Variants in IFNAR2 observed in about 807,000 individuals in gnomAD.
The protein encoded by IFNAR2 is interferon alpha and beta receptor subunit 2.
Under a neutral mutation model 49.4 loss-of-function variants are expected in IFNAR2, and 30 were observed. The ratio of observed to expected loss-of-function variants is 0.61; its 90% CI spans 0.45 to 0.82. IFNAR2 has a LOEUF of 0.82. IFNAR2 is among the 40% of genes least tolerant of loss of function. The pLI is 0.00. For synonymous variants in IFNAR2, 224 were observed against 234.5 expected (o/e 0.96, Z 0.41); for missense variants, 600 against 622.7 (o/e 0.96, Z 0.39).
In IFNAR2 at chr21:33,263,141, A is replaced by G. The variant is rs1173689837; in HGVS notation, c.1189A>G (p.Arg397Gly). Residue 397 changes from arginine to glycine, a missense_variant, in exon 9 of 9, where the codon AGG (arginine) becomes GGG (glycine). Arg to Gly is a moderately radical substitution (Grantham distance 125). Transcript: ENST00000342136. ...GGAACTCTTGAGTGGGCCCTGTGAG[A>G]GGAGAAAGAGTCCACTCCAGGACCC... ...QLELLSGPCE[R>G]RKSPLQDPFP... 5.6e-6 allele frequency: 9 copies of G among 1,614,068 alleles called. No homozygotes were observed. Among genetic ancestry groups the G allele is most frequent in the Non-Finnish European group, 7.6e-6 (9 of 1,180,038 alleles).
At chr21:33,250,627 TC>T (rs1987773693) in intron 6 of IFNAR2, among the ~76,000 whole-genome samples, 1 of 152,124 alleles carries the variant, frequency 6.6e-6, no homozygotes, top group Admixed American at 6.5e-5. Flanking sequence ...AACCTCCGCC[TC>T]CCGGGTTCAA....
In IFNAR2 at chr21:33,263,081, C is replaced by T; in HGVS notation, c.1129C>T (p.Leu377Phe). The T allele has an allele frequency of 6.2e-7, 1 of 1,614,136 alleles. No individual in the cohort carries two copies. The highest frequency in any genetic ancestry group is 8.5e-7 in the Non-Finnish European group (1 of 1,180,016). ...TGACCTGCCTGAGGTTGATGTGGAG[C>T]TCCCCACGATGCCAAAGGACAGCCC... is the stretch of plus-strand genomic sequence containing the variant. ...EPDLPEVDVE[L>F]PTMPKDSPQQ... is the part of the protein sequence containing the mutation. The change falls in exon 9 of 9, where the codon CTC becomes TTC. Residue 377 changes from leucine (L) to phenylalanine (F), a missense_variant. Physicochemically the swap from Leu to Phe is conservative, Grantham distance 22. Transcript: ENST00000342136.
At chr21:33,253,575 G>A (rs565887578) in intron 7 of IFNAR2, among the ~76,000 whole-genome samples, 4 of 152,224 alleles carry the variant, frequency 2.6e-5, no homozygotes, top group South Asian at 4.1e-4. Context: ...TGGATCTTGC[G>A]CAAGAAAGAA....
chr21:33,243,502 G>A (rs111239323), intron 2 of IFNAR2, among the ~76,000 whole-genome samples, 171 bp from the exon 3 acceptor site: 27 of 152,282 alleles, frequency 1.8e-4, no homozygotes, highest in African/African-American at 5.1e-4. Context: ...ACCATGTGCT[G>A]CTGGCACCAA....
intron 2 of IFNAR2, among the ~76,000 whole-genome samples, chr21:33,242,748 A>AAAAAAAC (rs1221572446): frequency 1.1e-5 from 1 of 93,896 alleles, no homozygotes; most frequent in Non-Finnish European, 2.2e-5. Flanking sequence ...AAAAAAAAAA[A>AAAAAAAC]TCTCGTGTGC....
chr21:33,248,926 A>G, intron 6 of IFNAR2, 72 bp downstream of exon 6: 1 of 1,139,116 alleles, frequency 8.8e-7, no homozygotes, highest in Non-Finnish European at 1.2e-6. Context: ...GTCTCTTTTG[A>G]AAGGAAATTT....
intron 4 of IFNAR2, 110 bp from the exon 5 acceptor site, chr21:33,246,608 A>G (rs1160936428): frequency 3.2e-5 from 24 of 745,120 alleles, no homozygotes; most frequent in East Asian, 8.1e-5. Flanking sequence ...ACTTAATACA[A>G]TGATATTTGG....
intron 7 of IFNAR2, among the ~76,000 whole-genome samples, chr21:33,254,615 G>A (rs1338874098): frequency 6.6e-6 from 1 of 152,098 alleles, no homozygotes; most frequent in African/African-American, 2.4e-5. Context: ...TGCGTAATAG[G>A]AACCGTGGCC....
At chr21:33,250,495 A>G (rs774076080) in intron 6 of IFNAR2, among the ~76,000 whole-genome samples, 22 of 152,130 alleles carry the variant, frequency 1.4e-4, no homozygotes, top group Non-Finnish European at 2.4e-4. Context: ...GTAGAGGGGT[A>G]ATGAGTAGTG....
rs1232742430 is a variant in IFNAR2 at position 33,262,786 on chromosome 21, T to C, written c.841-7T>C. The C allele has an allele frequency of 6.3e-7, 1 of 1,581,662 alleles. No individual in the cohort carries two copies. Among genetic ancestry groups the C allele is most frequent in the Non-Finnish European group, 8.6e-7 (1 of 1,168,024 alleles). On this transcript the variant is annotated splice_polypyrimidine_tract_variant and splice_region_variant and intron_variant, in intron 8 of 8. Transcript: ENST00000342136. ...GGACTCTCTCTCTCTTTTTTTTTTT[T>C]TTTAAGAATTTTCATAACTTTTTAG...
At chr21:33,243,982 G>A (rs1987194549) in intron 3 of IFNAR2, among the ~76,000 whole-genome samples, 2 of 152,142 alleles carry the variant, frequency 1.3e-5, no homozygotes, top group South Asian at 2.1e-4. Flanking sequence ...ACTAATAAAA[G>A]AATGAGGAGA....
rs768141783 is a variant in IFNAR2 at position 33,263,331 on chromosome 21, A to C, written c.1379A>C (p.Glu460Ala). The C allele has an allele frequency of 6.2e-7, 1 of 1,614,200 alleles. No individual in the cohort carries two copies. Among genetic ancestry groups the C allele is most frequent in the African/African-American group, 1.3e-5 (1 of 75,034 alleles). Residue 460 changes from glutamate (E) to alanine (A), a missense_variant, in exon 9 of 9, where the codon GAG becomes GCG. Glu to Ala is a moderately radical substitution (Grantham distance 107). Transcript: ENST00000342136. ...SSHLEEMVDP[E>A]DPDNVQSNHL... ...CATCTGGAAGAGATGGTTGACCCAG[A>C]GGATCCTGATAATGTGCAATCAAAC...
rs978686682 is a variant in IFNAR2 at position 33,262,967 on chromosome 21, A to G, written c.1015A>G (p.Met339Val). 6 of 1,614,170 alleles carry G rather than the reference A, an allele frequency of 3.7e-6. No individual in the cohort carries two copies. Among genetic ancestry groups the G allele is most frequent in the Non-Finnish European group, 5.1e-6 (6 of 1,180,018 alleles). ...APRTSGGGYT[M>V]HGLTVRPLGQ... The stretch of plus-strand genomic sequence containing the variant: ...CAGGACAAGTGGCGGTGGCTATACC[A>G]TGCATGGACTGACTGTCAGGCCTCT... Residue 339 changes from methionine (M) to valine (V), a missense_variant, in exon 9 of 9, where the codon ATG (methionine) becomes GTG (valine). By Grantham distance (21) the Met-to-Val change is conservative (BLOSUM62 1). Transcript: ENST00000342136.
chr21:33,232,252 G>A (rs2300370), intron 1 of IFNAR2, among the ~76,000 whole-genome samples: 48,802 of 152,056 alleles, frequency 0.32, 8,354 homozygotes, highest in East Asian at 0.58. Flanking sequence ...CACTGGCCCT[G>A]AGGGTCCTTC....
intron 5 of IFNAR2, 135 bp downstream of exon 5, chr21:33,247,025 A>G: frequency 1.5e-6 from 1 of 660,770 alleles, no homozygotes; most frequent in East Asian, 2.7e-5. Context: ...GCCACTTCCT[A>G]GCTCTGTAAC....
rs748323942 is a variant in IFNAR2 at position 33,263,126 on chromosome 21, A to C, written c.1174A>C (p.Ser392Arg). 3 of 1,614,080 alleles carry C rather than the reference A, an allele frequency of 1.9e-6. No homozygotes were observed. The highest frequency in any genetic ancestry group is 2.5e-6 in the Non-Finnish European group (3 of 1,180,044). Residue 392 changes from serine (S) to arginine (R), a missense_variant, in exon 9 of 9, where the codon AGT (serine) becomes CGT (arginine). Physicochemically the swap from Ser to Arg is moderately radical, Grantham distance 110 (BLOSUM62 -1). Coordinates refer to ENST00000342136, the MANE Select transcript of IFNAR2 (RefSeq NM_001289125.3). ...KDSPQQLELL[S>R]GPCERRKSPL... The stretch of plus-strand genomic sequence containing the variant: ...CAGCCCTCAGCAGTTGGAACTCTTG[A>C]GTGGGCCCTGTGAGAGGAGAAAGAG...
chr21:33,262,767 T>A (rs771721706), intron 8 of IFNAR2, 26 bp from the exon 9 acceptor site: 34 of 1,564,198 alleles, frequency 2.2e-5, no homozygotes, highest in African/African-American at 4.3e-5. Flanking sequence ...ATACGGACTC[T>A]CTCTCTCTTT....
rs1985906741 is a variant in IFNAR2, at chr21:33,230,005, A to G, written c.-295A>G. The G allele has an allele frequency of 1.6e-5, 16 of 984,644 alleles. No individual in the cohort carries two copies. The highest frequency in any genetic ancestry group is 1.9e-5 in the Non-Finnish European group (16 of 829,564). 61.0% of individuals were successfully genotyped at this position (984,644 alleles called of 1,614,324 possible). A position where few individuals can be genotyped will look rare whatever the true frequency, so the allele number is the denominator to read the frequency against. On this transcript the variant is annotated 5_prime_UTR_variant, in exon 1 of 9. Transcript: ENST00000342136. This position sits in a 1 kb window ranked among gnomAD's most constrained non-coding sequence, Gnocchi z 5.5. ...CTAAAGACGCTTCTTCCCGGCGGGT[A>G]GGAATCCCGCCGGCGAGCCGAACAG...
At chr21:33,246,931 A>C in intron 5 of IFNAR2, 41 bp downstream of exon 5, 1 of 1,537,576 alleles carries the variant, frequency 6.5e-7, no homozygotes, top group South Asian at 1.1e-5. Flanking sequence ...CCCCATCATC[A>C]AGATCTTTAT....
Sources: allele counts gnomAD v4.1 joint callset (sites outside exome capture counted in the v4.1 genomes callset), GRCh38; gene constraint gnomAD v4.1.1; non-coding constraint Gnocchi (gnomAD v3.1); transcripts MANE v1.5; gene names NCBI Gene and HGNC (gene_info 2026-07-23, HGNC 2026-07-21).